The following PIN4 variants were observed in gnomAD, a reference collection of about 807,000 sequenced individuals.
PIN4 encodes peptidylprolyl cis/trans isomerase, NIMA-interacting 4.
Under a neutral mutation model 8.3 loss-of-function variants are expected in PIN4, and 3 were observed. The ratio of observed to expected loss-of-function variants is 0.36; its 90% confidence interval spans 0.16 to 0.93. The LOEUF is 0.93. Ranked by LOEUF, PIN4 falls within the 40% of genes least tolerant of loss-of-function variation. The probability of loss-of-function intolerance (pLI) is 0.44; values close to 1 mark genes in which losing one functional copy is unlikely to be tolerated. For missense variants in PIN4, 75 were observed against 100.6 expected (o/e 0.75, Z 1.09); for synonymous variants, 18 against 32.5 (o/e 0.55, Z 1.52).
At chrX:72,224,563 A>G (rs2042943688) in intron 3 of PIN4, among the ~76,000 whole-genome samples, 1 of 111,610 alleles carries the variant, frequency 9.0e-6, no homozygotes, top group Non-Finnish European at 1.9e-5. Context: ...CCTGACCAAC[A>G]TGGAGAAACC....
chrX:72,258,810 C>T (rs1368545451), intron 3 of PIN4, among the ~76,000 whole-genome samples: 8 of 111,415 alleles, frequency 7.2e-5, no homozygotes, highest in South Asian at 3.8e-4. Flanking sequence ...GAGAGTAAGA[C>T]TCAGGGGCTC....
chrX:72,207,406 G>C (rs367844894), intron 3 of PIN4: 2 of 1,208,947 alleles, frequency 1.7e-6, no homozygotes, highest in African/African-American at 3.5e-5. Flanking sequence ...TTCCATCAAT[G>C]TGTCATCAGT....
chrX:72,257,323 AAAAAG>A (rs150937886), intron 3 of PIN4, among the ~76,000 whole-genome samples: 20 of 110,655 alleles, frequency 1.8e-4, no homozygotes, highest in Admixed American at 2.9e-4. Flanking sequence ...TCTGTCTCGA[AAAAAG>A]AAAAGAAAAG....
chrX:72,205,565 T>G, intron 3 of PIN4: 1 of 1,211,249 alleles, frequency 8.3e-7, no homozygotes, highest in Non-Finnish European at 1.1e-6. Context: ...GGTGGACTGA[T>G]GTCATTTTTG....
chrX:72,234,103 C>G (rs1236605718), intron 3 of PIN4, among the ~76,000 whole-genome samples: 2 of 109,590 alleles, frequency 1.8e-5, no homozygotes, highest in East Asian at 5.6e-4. Flanking sequence ...GAGCAAGACT[C>G]CGTCTCAAAA....
chrX:72,191,565 A>G (rs1333814622), intron 2 of PIN4, among the ~76,000 whole-genome samples: 1 of 110,103 alleles, frequency 9.1e-6, no homozygotes, highest in African/African-American at 3.3e-5. Flanking sequence ...AACAAAAACG[A>G]AAAACTTTTC....
Position 72,259,901 on chromosome X carries a change from T to C in PIN4, c.313-2806T>C, listed in dbSNP as rs188085909. ...GCTTGCCACCATACCTGGCTAATTT[T>C]TTTTCTTTTTTTTTTTTAGTATAGA... On this transcript the variant is annotated intron_variant, in intron 3 of 3. Coordinates refer to the PIN4 transcript ENST00000423432. Among the ~76,000 whole-genome samples the C allele has an allele frequency of 1.6e-3, 164 of 103,634 alleles. 1 individual carries two copies. The highest frequency in any genetic ancestry group is 3.1e-3 in the South Asian group (6 of 1,940). 90.0% of individuals were successfully genotyped at this position (103,634 alleles called of 115,157 possible).
intron 3 of PIN4, among the ~76,000 whole-genome samples, chrX:72,234,276 T>A (rs778423625): frequency 4.6e-4 from 52 of 112,207 alleles, no homozygotes; most frequent in Non-Finnish European, 9.0e-4. Context: ...GAGCAAGGGC[T>A]CCTTGGAAGA....
At position 72,181,954 on chromosome X, in the gene PIN4, C is replaced by A. The variant is rs181862587; in HGVS notation, c.43+126C>A. 120 of 510,151 alleles carry A rather than the reference C, an allele frequency of 2.4e-4. No individual in the cohort carries two copies. In the African/African-American group the frequency reaches 2.5e-3, roughly 11 times the overall value. The allele number at this position is 510,151 out of a possible 1,213,427, so 42.0% of individuals were successfully genotyped here. ...GCCAGTGGCCCCACAGTGCTGCCATCGATTACATCTGTAGGAATACATTGG... is the reference window on the plus strand; with the variant it reads ...GCCAGTGGCCCCACAGTGCTGCCATAGATTACATCTGTAGGAATACATTGG... On this transcript the variant is annotated intron_variant, in intron 1 of 3. Transcript: ENST00000373669.
At chrX:72,239,771 CAAAAAAAAAAAA>C (rs1170667492) in intron 3 of PIN4, among the ~76,000 whole-genome samples, 4 of 13,858 alleles carry the variant, frequency 2.9e-4, no homozygotes, top group African/African-American at 5.9e-4. Context: ...GACTCCATCT[CAAAAAAAAAAAA>C]AAAAAAAAAA....
chrX:72,211,257 A>T (rs975588538), intron 3 of PIN4, among the ~76,000 whole-genome samples: 3 of 110,890 alleles, frequency 2.7e-5, no homozygotes, highest in Admixed American at 1.9e-4. Context: ...TTCCTTGAAC[A>T]TAGGCAGGGA....
At chrX:72,212,269 CAAAAAA>C (rs201108348) in intron 3 of PIN4, among the ~76,000 whole-genome samples, 18 of 105,949 alleles carry the variant, frequency 1.7e-4, no homozygotes, top group African/African-American at 6.4e-4. Flanking sequence ...GACCCCATCT[CAAAAAA>C]AATAATAATA....
chrX:72,232,416 C>CA (rs11302655), intron 3 of PIN4, among the ~76,000 whole-genome samples: 143 of 35,002 alleles, frequency 4.1e-3, no homozygotes, highest in Non-Finnish European at 5.1e-3. Flanking sequence ...AGACCTGCCT[C>CA]AAAAAAAAAA....
intron 3 of PIN4, among the ~76,000 whole-genome samples, chrX:72,231,356 A>G (rs1446087410): frequency 9.0e-6 from 1 of 111,532 alleles, no homozygotes; most frequent in African/African-American, 3.3e-5. Flanking sequence ...TTATACATGG[A>G]ATCTAGAAAA....
At chrX:72,208,792 G>T in intron 3 of PIN4, 1 of 726,415 alleles carries the variant, frequency 1.4e-6, no homozygotes, top group Non-Finnish European at 2.0e-6. Context: ...AACTGCAGCT[G>T]GACTTTTAAT....
intron 1 of PIN4, among the ~76,000 whole-genome samples, chrX:72,183,479 G>A (rs1274530825): frequency 1.8e-5 from 2 of 111,814 alleles, no homozygotes; most frequent in Non-Finnish European, 3.8e-5. Context: ...GACAGATAGA[G>A]GGAGTGCAGA....
intron 3 of PIN4, chrX:72,205,822 C>T: frequency 1.7e-6 from 2 of 1,211,851 alleles, no homozygotes; most frequent in South Asian, 3.5e-5. Context: ...TGCAGAGCCA[C>T]ACAAGCTATT....
intron 3 of PIN4, among the ~76,000 whole-genome samples, chrX:72,220,011 C>G (rs1183780808): frequency 9.0e-6 from 1 of 111,307 alleles, no homozygotes; most frequent in Non-Finnish European, 1.9e-5. Flanking sequence ...TGTAGATACC[C>G]TTGATCAGGT....
intron 3 of PIN4, among the ~76,000 whole-genome samples, chrX:72,246,900 G>C (rs2043069202): frequency 8.9e-6 from 1 of 112,091 alleles, no homozygotes. Context: ...CCGTGATCAT[G>C]TGAGCTCTGT....
Sources: allele counts gnomAD v4.1 joint callset (sites outside exome capture counted in the v4.1 genomes callset), GRCh38; gene constraint gnomAD v4.1.1; transcripts MANE v1.5; gene names NCBI Gene and HGNC (gene_info 2026-07-23, HGNC 2026-07-21).